PUS10: variants seen among roughly 807,000 people sequenced by gnomAD.
PUS10 encodes the protein tRNA pseudouridine synthase Pus10.
A neutral mutation model predicts 75.0 loss-of-function variants in PUS10; 59 were observed. That is an observed-to-expected ratio of 0.79 (90% CI 0.64 to 0.98). The LOEUF is 0.98. Among genes scored for constraint, PUS10 ranks in the 50% least tolerant of loss-of-function variants. The probability of loss-of-function intolerance (pLI) is 0.00; values close to 1 mark genes in which losing one functional copy is unlikely to be tolerated. For missense variants in PUS10, 650 were observed against 614.4 expected, an observed-to-expected ratio of 1.06 and a Z score of -0.61; for synonymous variants, 219 against 211.6, an observed-to-expected ratio of 1.03 and a Z score of -0.30.
At chr2:60,962,805 T>C in intron 9 of PUS10, 21 bp downstream of exon 9, 1 of 1,578,068 alleles carries the variant, frequency 6.3e-7, no homozygotes, top group Non-Finnish European at 8.6e-7. Context: ...GATGCTTCTT[T>C]GTTTCTAAAC....
rs146204296 is a variant in PUS10 at position 60,953,277 on chromosome 2, C to A, written c.1191-163G>T. Among the ~76,000 whole-genome samples the A allele has an allele frequency of 4.5e-3, 690 of 152,206 alleles. 2 individuals are homozygous for A. The highest frequency in any genetic ancestry group is 6.7e-3 in the Non-Finnish European group (456 of 68,016). ...GTTTTCAGAGTTGTGCAGCTATTAC[C>A]ACAATCTAGTTTTAGAATACTTTCA... is the stretch of plus-strand genomic sequence containing the variant. On this transcript the variant is annotated intron_variant, in intron 14 of 17. Transcript: ENST00000316752.
chr2:60,948,965 T>C (rs1202630029), intron 15 of PUS10, among the ~76,000 whole-genome samples: 1 of 152,192 alleles, frequency 6.6e-6, no homozygotes, highest in Non-Finnish European at 1.5e-5. Flanking sequence ...CAACTCTTCC[T>C]AATTTCCATG....
chr2:60,942,262 T>C lies in PUS10; in HGVS notation c.*133A>G. On this transcript the variant is annotated 3_prime_UTR_variant, in exon 18 of 18. Coordinates refer to ENST00000316752, the MANE Select transcript of PUS10 (RefSeq NM_144709.4). Reference sequence around the variant, plus strand: ...TGAGATGTTACAACAAATTAACAATTATATAGATCAACATGATCCAAATAG... The same window carrying C: ...TGAGATGTTACAACAAATTAACAATCATATAGATCAACATGATCCAAATAG... 1.4e-6 allele frequency: 1 copy of C among 738,214 alleles called. No individual in the cohort carries two copies. Among genetic ancestry groups the C allele is most frequent in the African/African-American group, 1.7e-5 (1 of 57,206 alleles). The allele number at this position is 738,214 out of a possible 1,614,324, so 45.7% of individuals were successfully genotyped here.
intron 4 of PUS10, among the ~76,000 whole-genome samples, chr2:60,993,506 T>C (rs1478263096): frequency 6.6e-6 from 1 of 151,732 alleles, no homozygotes; most frequent in Non-Finnish European, 1.5e-5. Flanking sequence ...AAAATATGTA[T>C]TACATTAAGA....
chr2:60,948,786 G>C (rs1453991727), intron 15 of PUS10, among the ~76,000 whole-genome samples: 2 of 152,052 alleles, frequency 1.3e-5, no homozygotes, highest in African/African-American at 4.8e-5. Flanking sequence ...AGGGACACAG[G>C]CTTGTTTTTC....
chr2:60,990,815 A>G (rs1295083443), intron 4 of PUS10, among the ~76,000 whole-genome samples: 1 of 152,072 alleles, frequency 6.6e-6, no homozygotes, highest in Non-Finnish European at 1.5e-5. Context: ...GCATAATCTC[A>G]GCTCACTGCA....
intron 2 of PUS10, 82 bp downstream of exon 2, chr2:61,011,683 C>A: frequency 1.0e-6 from 1 of 980,122 alleles, no homozygotes; most frequent in Non-Finnish European, 1.4e-6. Flanking sequence ...TAGATACCTG[C>A]CCTCAAAAGT....
chr2:60,970,822 C>T (rs1676613654), intron 5 of PUS10, among the ~76,000 whole-genome samples: 1 of 152,136 alleles, frequency 6.6e-6, no homozygotes, highest in South Asian at 2.1e-4. Context: ...TGTTGTTCCA[C>T]CAGTTATTTA....
chr2:60,960,345 A>T (rs767513016), intron 11 of PUS10, 47 bp downstream of exon 11: 2 of 528,482 alleles, frequency 3.8e-6, no homozygotes, highest in South Asian at 1.4e-4. Flanking sequence ...CCCTATCTCA[A>T]AAAAAAAAAA....
Position 61,011,893 on chromosome 2 carries a change from TG to T in PUS10, c.-4del. ...TTTTCCTCAGTCAGTGGGAACATAT[TG>T]AATAATTATAACTAGAAAGAAAAGA... On this transcript the variant is annotated 5_prime_UTR_variant, in exon 2 of 18. Transcript: ENST00000316752. 6.3e-7 allele frequency: 1 copy of T among 1,593,984 alleles called. No homozygotes were observed. Among genetic ancestry groups the T allele is most frequent in the Non-Finnish European group, 8.5e-7 (1 of 1,174,390 alleles).
chr2:60,946,711 G>A (rs1236930594), intron 16 of PUS10, among the ~76,000 whole-genome samples: 2 of 152,120 alleles, frequency 1.3e-5, no homozygotes, highest in African/African-American at 4.8e-5. Flanking sequence ...GTCCTGGGGT[G>A]GGGCAGGGGA....
At chr2:60,954,253 G>T in intron 12 of PUS10, 95 bp from the exon 13 acceptor site, 1 of 1,111,674 alleles carries the variant, frequency 9.0e-7, no homozygotes, top group Non-Finnish European at 1.4e-6. Context: ...AAAGTGGGTT[G>T]AGCTCTAGAG....
chr2:61,000,629 C>T (rs1401193663), intron 4 of PUS10, among the ~76,000 whole-genome samples: 1 of 152,200 alleles, frequency 6.6e-6, no homozygotes, highest in Non-Finnish European at 1.5e-5. Context: ...ATCTCTCTTA[C>T]CATTATGTTA....
intron 15 of PUS10, among the ~76,000 whole-genome samples, chr2:60,948,895 T>TG (rs1224847392): frequency 2.0e-5 from 3 of 152,144 alleles, no homozygotes; most frequent in Non-Finnish European, 4.4e-5. Flanking sequence ...TTTTAAAAAT[T>TG]GGGCGTAATC....
At chr2:60,947,761 G>A (rs573791007) in intron 16 of PUS10, among the ~76,000 whole-genome samples, 5 of 150,388 alleles carry the variant, frequency 3.3e-5, no homozygotes, top group African/African-American at 7.3e-5. Context: ...CCCAGGAGGC[G>A]GAGCTTGCAG....
At chr2:60,993,850 C>A (rs575185548) in intron 4 of PUS10, among the ~76,000 whole-genome samples, 1 of 151,930 alleles carries the variant, frequency 6.6e-6, no homozygotes, top group African/African-American at 2.4e-5. Flanking sequence ...AGTGCAGTGG[C>A]GCGATCTCGG....
chr2:60,998,241 A>C (rs1022394788), intron 4 of PUS10, among the ~76,000 whole-genome samples: 1 of 152,226 alleles, frequency 6.6e-6, no homozygotes, highest in Non-Finnish European at 1.5e-5. Context: ...GCCTCTGTAA[A>C]CACATACAAA....
rs771914405 is a variant in PUS10 at position 61,011,818 on chromosome 2, T to C, written c.73A>G (p.Ile25Val). 3 of 1,611,002 alleles carry C rather than the reference T, an allele frequency of 1.9e-6. No homozygotes were observed. Among genetic ancestry groups the C allele is most frequent in the Admixed American group, 1.7e-5 (1 of 59,758 alleles). ...LLNTGTCPRC[I>V]FRFCGVDFHA... Reference sequence around the variant, plus strand: ...AAATCCACACCACAGAATCTGAAGATACATCTTGGACAAGTACCAGTATTG... The same window carrying C: ...AAATCCACACCACAGAATCTGAAGACACATCTTGGACAAGTACCAGTATTG... The change falls in exon 2 of 18, where the codon ATC (isoleucine) becomes GTC (valine). Residue 25 changes from isoleucine to valine, a missense_variant. Coordinates refer to ENST00000316752, the MANE Select transcript of PUS10 (RefSeq NM_144709.4).
chr2:60,974,743 C>T (rs1034873589), intron 4 of PUS10, among the ~76,000 whole-genome samples: 3 of 152,226 alleles, frequency 2.0e-5, no homozygotes, highest in Non-Finnish European at 2.9e-5. Flanking sequence ...CATGACTGCG[C>T]GTGGAGCTGC....
Sources: allele counts gnomAD v4.1 joint callset (sites outside exome capture counted in the v4.1 genomes callset), GRCh38; gene constraint gnomAD v4.1.1; transcripts MANE v1.5; gene names NCBI Gene and HGNC (gene_info 2026-07-23, HGNC 2026-07-21).